Variants in CALB1 observed in about 807,000 individuals in gnomAD.
CALB1 encodes calbindin 1.
CALB1 carries 16 observed loss-of-function variants against 46.7 expected under a neutral mutation model. That is an observed-to-expected ratio of 0.34 (90% confidence interval 0.23 to 0.52). The LOEUF (loss-of-function observed/expected upper bound fraction) is 0.52. CALB1 is among the 20% of genes least tolerant of loss of function. The probability of loss-of-function intolerance (pLI) is 0.95; values close to 1 mark genes in which losing one functional copy is unlikely to be tolerated. For missense variants in CALB1, 224 were observed against 300.3 expected, an observed-to-expected ratio of 0.75 and a Z score of 1.88; for synonymous variants, 90 against 112.8, an observed-to-expected ratio of 0.80 and a Z score of 1.28.
chr8:90,063,605 T>G (rs916526216), intron 6 of CALB1, 144 bp from the exon 7 acceptor site: 2 of 644,466 alleles, frequency 3.1e-6, no homozygotes, highest in African/African-American at 3.7e-5. Context: ...TTTAAAACTT[T>G]CAATGCAAAT....
chr8:90,081,942 G>C, intron 2 of CALB1, 84 bp downstream of exon 2: 1 of 1,231,552 alleles, frequency 8.1e-7, no homozygotes, highest in Non-Finnish European at 1.2e-6. Context: ...AGCGCTTTAC[G>C]CTACTGGCTT....
intron 8 of CALB1, 27 bp from the exon 9 acceptor site, chr8:90,063,180 T>C: frequency 6.4e-7 from 1 of 1,565,548 alleles, no homozygotes; most frequent in South Asian, 1.1e-5. Context: ...GAGTAAATGT[T>C]AAAATGTTAT....
rs746589248 is a variant in CALB1 at position 90,060,299 on chromosome 8, T to C, written c.673-13A>G. ...TAATATCCAGATCCTGTACAGAATA[T>C]AAATGGCATTGTAATCCAGTTAAAT... On this transcript the variant is annotated splice_polypyrimidine_tract_variant and intron_variant, in intron 10 of 10. Coordinates refer to ENST00000265431, the MANE Select transcript of CALB1 (RefSeq NM_004929.4). 1.4e-6 allele frequency: 2 copies of C among 1,456,594 alleles called. No individual in the cohort carries two copies. Among genetic ancestry groups the C allele is most frequent in the Non-Finnish European group, 1.9e-6 (2 of 1,036,954 alleles). 90.2% of individuals were successfully genotyped at this position (1,456,594 alleles called of 1,614,324 possible).
At chr8:90,073,078 T>C (rs1464687908) in intron 3 of CALB1, among the ~76,000 whole-genome samples, 2 of 152,232 alleles carry the variant, frequency 1.3e-5, no homozygotes, top group African/African-American at 4.8e-5. Context: ...TCTTATTTAC[T>C]GTTTTGTGGC....
At chr8:90,061,443 A>C (rs1384357937) in intron 9 of CALB1, 1 of 152,188 alleles carries the variant, frequency 6.6e-6, no homozygotes, top group Non-Finnish European at 1.5e-5. Context: ...AAGTTAAATT[A>C]TCCCTGTTTG....
intron 3 of CALB1, among the ~76,000 whole-genome samples, chr8:90,076,736 C>T (rs1205514867): frequency 1.3e-5 from 2 of 151,874 alleles, no homozygotes; most frequent in Admixed American, 6.6e-5. Context: ...CAGGACAATG[C>T]GTCTGCTAAA....
chr8:90,072,510 A>G (rs1191474206), intron 3 of CALB1, among the ~76,000 whole-genome samples: 1 of 152,248 alleles, frequency 6.6e-6, no homozygotes, highest in African/African-American at 2.4e-5. Context: ...TCTTAAGCAT[A>G]TAAAAATTAT....
intron 3 of CALB1, among the ~76,000 whole-genome samples, chr8:90,070,264 T>C (rs1586181007): frequency 6.6e-6 from 1 of 152,288 alleles, no homozygotes; most frequent in Non-Finnish European, 1.5e-5. Context: ...ATAATGAATC[T>C]ACACACACTA....
rs547892625 is a variant in CALB1, at chr8:90,075,107, A to C, written c.231+3266T>G. Among the ~76,000 whole-genome samples, 22 of 152,252 alleles carry C rather than the reference A, an allele frequency of 1.4e-4. No individual in the cohort carries two copies. In the South Asian group the frequency reaches 3.3e-3, roughly 23 times the overall value. On this transcript the variant is annotated intron_variant, in intron 3 of 10. Coordinates refer to ENST00000265431, the MANE Select transcript of CALB1 (RefSeq NM_004929.4). ...TTATTTCTAAACTGTATTTGTGTGGATTTTTAAATCTATTTAAAGGCAAGA... is the reference window on the plus strand; with the variant it reads ...TTATTTCTAAACTGTATTTGTGTGGCTTTTTAAATCTATTTAAAGGCAAGA...
chr8:90,067,460 TCTAA>T lies in CALB1; in HGVS notation c.373-1489_373-1486del, dbSNP rs1814422437. On this transcript the variant is annotated intron_variant, in intron 5 of 10. Coordinates refer to ENST00000265431, the MANE Select transcript of CALB1 (RefSeq NM_004929.4). ...AGGATCTTTAAAAGAATATTTTTGG[TCTAA>T]CTAATAAAATAAAAACACAGTGGCT... 2.0e-5 allele frequency among the ~76,000 whole-genome samples: 3 copies of T among 152,152 alleles called. No homozygotes were observed. In the South Asian group the frequency reaches 6.2e-4, roughly 31 times the overall value.
At chr8:90,074,718 C>T (rs1215114152) in intron 3 of CALB1, among the ~76,000 whole-genome samples, 4 of 152,132 alleles carry the variant, frequency 2.6e-5, no homozygotes, top group African/African-American at 4.8e-5. Context: ...AGGGTTGTTA[C>T]AGTTTTAGGA....
intron 3 of CALB1, among the ~76,000 whole-genome samples, chr8:90,074,132 T>C (rs1814580197): frequency 6.6e-6 from 1 of 152,176 alleles, no homozygotes; most frequent in African/African-American, 2.4e-5. Flanking sequence ...TTCAGTTTAA[T>C]AATTTGAATT....
At chr8:90,067,870 T>G (rs909998880) in intron 5 of CALB1, among the ~76,000 whole-genome samples, 5 of 152,182 alleles carry the variant, frequency 3.3e-5, no homozygotes, top group Non-Finnish European at 5.9e-5. Context: ...CTCTCTGCAT[T>G]CCAATCTCAC....
chr8:90,060,896 C>T (rs1814285885), intron 9 of CALB1, 196 bp from the exon 10 acceptor site: 1 of 565,372 alleles, frequency 1.8e-6, no homozygotes, highest in Non-Finnish European at 3.2e-6. Flanking sequence ...ACTTCTCATT[C>T]AACACCTTAC....
chr8:90,068,048 T>C (rs1007085126), intron 5 of CALB1, among the ~76,000 whole-genome samples: 4 of 152,148 alleles, frequency 2.6e-5, no homozygotes, highest in Non-Finnish European at 4.4e-5. Flanking sequence ...AGTAGGGTCT[T>C]TCAGATGGCG....
Position 90,070,727 on chromosome 8 carries a change from G to A in CALB1, c.232-1490C>T, listed in dbSNP as rs148414673. On this transcript the variant is annotated intron_variant, in intron 3 of 10. Transcript: ENST00000265431. Reference sequence around the variant, plus strand: ...TTATTTTTAAAGAAAGGTCACTAGTGTGGGTAGATGATAATATATCTAAAA... The same window carrying A: ...TTATTTTTAAAGAAAGGTCACTAGTATGGGTAGATGATAATATATCTAAAA... Among the ~76,000 whole-genome samples, 24 of 152,244 alleles carry A rather than the reference G, an allele frequency of 1.6e-4. 1 individual carries two copies. In the East Asian group the frequency reaches 3.7e-3, roughly 23 times the overall value.
chr8:90,060,061 C>A lies in CALB1; in HGVS notation c.*112G>T. Reference sequence around the variant, plus strand: ...TGAGCCACACATCCTGGATAATTATCTATATGCAGTTAAATTTACAGATAT... The same window carrying A: ...TGAGCCACACATCCTGGATAATTATATATATGCAGTTAAATTTACAGATAT... On this transcript the variant is annotated 3_prime_UTR_variant, in exon 11 of 11. Coordinates refer to ENST00000265431, the MANE Select transcript of CALB1 (RefSeq NM_004929.4). The A allele has an allele frequency of 1.4e-6, 1 of 700,598 alleles. No homozygotes were observed. The allele number at this position is 700,598 out of a possible 1,614,324, so 43.4% of individuals were successfully genotyped here. A position where few individuals can be genotyped will look rare whatever the true frequency, so the allele number is the denominator to read the frequency against.
At chr8:90,066,763 ACAGTG>A (rs1048065801) in intron 5 of CALB1, among the ~76,000 whole-genome samples, 1 of 152,136 alleles carries the variant, frequency 6.6e-6, no homozygotes, top group African/African-American at 2.4e-5. Context: ...CATATAAGTG[ACAGTG>A]TAAGCACTTT....
chr8:90,078,173 C>T (rs1031408891), intron 3 of CALB1, 200 bp downstream of exon 3: 4 of 378,128 alleles, frequency 1.1e-5, no homozygotes, highest in Non-Finnish European at 1.9e-5. Context: ...AAATTTAGGC[C>T]CTGGGTTAGG....
Sources: allele counts gnomAD v4.1 joint callset (sites outside exome capture counted in the v4.1 genomes callset), GRCh38; gene constraint gnomAD v4.1.1; transcripts MANE v1.5; gene names NCBI Gene and HGNC (gene_info 2026-07-23, HGNC 2026-07-21).